The following PRKAR1B variants were observed in gnomAD, a reference collection of about 807,000 sequenced individuals.
PRKAR1B encodes cAMP-dependent protein kinase type I-beta regulatory subunit.
A neutral mutation model predicts 46.5 loss-of-function variants in PRKAR1B; 22 were observed. That is an observed-to-expected ratio of 0.47 (90% CI 0.34 to 0.68). The LOEUF (loss-of-function observed/expected upper bound fraction) is 0.68, where lower values mean the gene tolerates loss of function less well. Among genes scored for constraint, PRKAR1B ranks in the 30% least tolerant of loss-of-function variants. The pLI is 0.01. For missense variants in PRKAR1B, 445 were observed against 535.6 expected (o/e 0.83, Z 1.67); for synonymous variants, 259 against 217.7 (o/e 1.19, Z -1.67).
intron 4 of PRKAR1B, among the ~76,000 whole-genome samples, chr7:659,878 C>T (rs915751857): frequency 5.3e-5 from 8 of 152,044 alleles, no homozygotes; most frequent in African/African-American, 1.7e-4. Context: ...GCCCAGATTC[C>T]CAGATTTTTA....
At chr7:583,425 CG>C (rs1780335662) in intron 8 of PRKAR1B, among the ~76,000 whole-genome samples, 1 of 142,502 alleles carries the variant, frequency 7.0e-6, no homozygotes. Flanking sequence ...CACGCACACA[CG>C]CACACACCCA....
At chr7:652,125 G>A (rs1281387814) in intron 4 of PRKAR1B, among the ~76,000 whole-genome samples, 3 of 134,678 alleles carry the variant, frequency 2.2e-5, no homozygotes, top group African/African-American at 5.9e-5. Flanking sequence ...AACCCCTCTC[G>A]GAAGACAGTT....
Position 667,149 on chromosome 7 carries a change from G to GTGA in PRKAR1B, c.440+10077_440+10079dup, listed in dbSNP as rs34944012. ...GGTGATGAGGATGGTGGTGGTGATGGTGATGATAATGATGGTGATGATGAC... is the reference window on the plus strand; with the variant it reads ...GGTGATGAGGATGGTGGTGGTGATGGTGATGATGATAATGATGGTGATGATGAC... On this transcript the variant is annotated intron_variant, in intron 4 of 10. Coordinates refer to ENST00000537384, the MANE Select transcript of PRKAR1B (RefSeq NM_001164760.2). The surrounding 1 kb of genome is among the most constrained non-coding windows in gnomAD (Gnocchi z 4.3). 0.17 allele frequency among the ~76,000 whole-genome samples: 19,411 copies of GTGA among 116,760 alleles called. 2,269 individuals carry two copies. The highest frequency in any genetic ancestry group is 0.38 in the South Asian group (1,426 of 3,734). 76.6% of individuals were successfully genotyped at this position (116,760 alleles called of 152,430 possible).
chr7:583,073 G>T (rs989903976), intron 8 of PRKAR1B, among the ~76,000 whole-genome samples: 1 of 152,062 alleles, frequency 6.6e-6, no homozygotes, highest in Non-Finnish European at 1.5e-5. Flanking sequence ...GGGCAGGGGG[G>T]GTGACGGCTC....
chr7:724,192 C>G (rs1234767058), intron 1 of PRKAR1B, among the ~76,000 whole-genome samples: 1 of 152,170 alleles, frequency 6.6e-6, no homozygotes, highest in Admixed American at 6.5e-5. Flanking sequence ...TCCTCTCTCT[C>G]CAACACTCCC....
chr7:556,453 T>G (rs571867700), intron 9 of PRKAR1B, among the ~76,000 whole-genome samples: 25 of 152,148 alleles, frequency 1.6e-4, no homozygotes, highest in African/African-American at 6.0e-4. Flanking sequence ...TCTGGGGACG[T>G]CCAGGAACGG....
intron 4 of PRKAR1B, among the ~76,000 whole-genome samples, chr7:674,775 C>G (rs1050153458): frequency 7.9e-5 from 12 of 152,352 alleles, no homozygotes; most frequent in South Asian, 4.1e-4. Context: ...CTCAGCTACT[C>G]TAACCACTGC....
At chr7:726,606 G>C in intron 1 of PRKAR1B, 2 of 813,366 alleles carry the variant, frequency 2.5e-6, no homozygotes, top group Non-Finnish European at 3.3e-6. Context: ...GTGCGCACCG[G>C]CGGGGAGGAA....
chr7:607,577 T>C, intron 4 of PRKAR1B, 125 bp from the exon 5 acceptor site: 2 of 861,952 alleles, frequency 2.3e-6, no homozygotes, highest in Non-Finnish European at 3.7e-6. Flanking sequence ...AGAAAATCCA[T>C]GAGAGTTCAA....
In PRKAR1B at chr7:602,387, G is replaced by C. The variant is rs1196701346; in HGVS notation, c.549+3806C>G. Among the ~76,000 whole-genome samples, 2 of 152,172 alleles carry C rather than the reference G, an allele frequency of 1.3e-5. No homozygotes were observed. Among genetic ancestry groups the C allele is most frequent in the African/African-American group, 4.8e-5 (2 of 41,448 alleles). ...GTGGGGATTCTGCGAGGATGAGGAG[G>C]AGGAGGAGGAGGTCCCGCCAAGGTC... is the stretch of plus-strand genomic sequence containing the variant. On this transcript the variant is annotated intron_variant, in intron 6 of 10. Coordinates refer to ENST00000537384, the MANE Select transcript of PRKAR1B (RefSeq NM_001164760.2). The surrounding 1 kb of genome is among the most constrained non-coding windows in gnomAD (Gnocchi z 6.4).
rs140310648 is a variant in PRKAR1B, at chr7:575,345, C to T, written c.891+3911G>A. 4.2e-3 allele frequency among the ~76,000 whole-genome samples: 637 copies of T among 152,308 alleles called. 11 individuals are homozygous for T. Among genetic ancestry groups the T allele is most frequent in the East Asian group, 0.016 (82 of 5,176 alleles). On this transcript the variant is annotated intron_variant, in intron 9 of 10. Transcript: ENST00000537384. Reference sequence around the variant, plus strand: ...CTGCTGGGCCCCAAGAAGAGCATCCCGGGAGCAGGGCTCCCAGAGGCTGTG... The same window carrying T: ...CTGCTGGGCCCCAAGAAGAGCATCCTGGGAGCAGGGCTCCCAGAGGCTGTG...
chr7:570,200 C>T (rs1779416147), intron 9 of PRKAR1B, among the ~76,000 whole-genome samples: 1 of 152,228 alleles, frequency 6.6e-6, no homozygotes, highest in South Asian at 2.1e-4. Flanking sequence ...GGTTCCCCCA[C>T]AGGCACATAC....
chr7:673,580 C>T lies in PRKAR1B; in HGVS notation c.440+3649G>A, dbSNP rs1372481965. On this transcript the variant is annotated intron_variant, in intron 4 of 10. Coordinates refer to ENST00000537384, the MANE Select transcript of PRKAR1B (RefSeq NM_001164760.2). ...AGGAGAATGACGTGAACCTGTGAGG[C>T]AGAGCTTGCAGTGAGCCGAGATCGC... 4.6e-5 allele frequency among the ~76,000 whole-genome samples: 7 copies of T among 150,780 alleles called. No homozygotes were observed. In the South Asian group the frequency reaches 6.3e-4, roughly 13 times the overall value.
intron 6 of PRKAR1B, among the ~76,000 whole-genome samples, chr7:604,526 G>A (rs759073027): frequency 6.6e-6 from 1 of 152,232 alleles, no homozygotes; most frequent in Non-Finnish European, 1.5e-5. Flanking sequence ...CCAGGGAGAA[G>A]AGAAACTGGC....
intron 3 of PRKAR1B, 42 bp downstream of exon 3, chr7:680,514 C>T (rs765784695): frequency 1.9e-6 from 3 of 1,552,108 alleles, no homozygotes; most frequent in Non-Finnish European, 2.6e-6. Flanking sequence ...CAGCCACGTG[C>T]CGAGGCCTGG....
intron 2 of PRKAR1B, among the ~76,000 whole-genome samples, chr7:685,357 TATATATACAC>T (rs1412232835): frequency 0.017 from 1,144 of 67,804 alleles, 39 homozygotes; most frequent in Non-Finnish European, 0.022. Context: ...TGTATACATA[TATATATACAC>T]ATATATATAT....
chr7:684,153 C>T (rs1055405501), intron 2 of PRKAR1B, among the ~76,000 whole-genome samples: 10 of 151,614 alleles, frequency 6.6e-5, no homozygotes, highest in Non-Finnish European at 1.5e-4. Flanking sequence ...TCTGTGTACA[C>T]CAATGCCCAC....
In PRKAR1B at chr7:685,377, T is replaced by TACAC. The variant is rs1377949850; in HGVS notation, c.178-4652_178-4651insGTGT. On this transcript the variant is annotated intron_variant, in intron 2 of 10. Coordinates refer to ENST00000537384, the MANE Select transcript of PRKAR1B (RefSeq NM_001164760.2). ...ACATATATATATACACATATATATA[T>TACAC]ATACATACATATATATATATATATG... Among the ~76,000 whole-genome samples, 37 of 16,608 alleles carry TACAC rather than the reference T, an allele frequency of 2.2e-3. 7 individuals carry two copies. The highest frequency in any genetic ancestry group is 3.8e-3 in the East Asian group (2 of 524). 10.9% of individuals were successfully genotyped at this position (16,608 alleles called of 152,430 possible). A position where few individuals can be genotyped will look rare whatever the true frequency, so the allele number is the denominator to read the frequency against.
intron 8 of PRKAR1B, among the ~76,000 whole-genome samples, chr7:583,995 G>A (rs895134288): frequency 3.3e-5 from 5 of 152,222 alleles, no homozygotes; most frequent in African/African-American, 1.2e-4. Context: ...AGGGCCCTGG[G>A]CACACCTGAA....
Sources: gnomAD v4.1 joint callset for allele counts (sites outside exome capture counted in the v4.1 genomes callset) on GRCh38, gnomAD v4.1.1 for gene constraint, Gnocchi (gnomAD v3.1) non-coding constraint, MANE v1.5 for transcripts, NCBI Gene and HGNC (gene_info 2026-07-23, HGNC 2026-07-21) for gene names.